MSRA: variants seen among roughly 807,000 people sequenced by gnomAD.
The protein encoded by MSRA is mitochondrial peptide methionine sulfoxide reductase.
Under a neutral mutation model 31.3 loss-of-function variants are expected in MSRA, and 54 were observed. That is an observed-to-expected ratio of 1.73 (90% confidence interval 1.39 to 2.17). MSRA has a LOEUF of 2.17. MSRA is among the 30% of genes most tolerant of loss of function. The probability of loss-of-function intolerance (pLI) is 0.00; values close to 1 mark genes in which losing one functional copy is unlikely to be tolerated. For synonymous variants in MSRA, 169 were observed against 116.5 expected, an observed-to-expected ratio of 1.45 and a Z score of -2.90; for missense variants, 507 against 300.9, an observed-to-expected ratio of 1.69 and a Z score of -5.07.
chr8:10,192,850 T>A (rs1211808725), intron 1 of MSRA, among the ~76,000 whole-genome samples: 1 of 137,706 alleles, frequency 7.3e-6, no homozygotes, highest in Non-Finnish European at 1.5e-5. Context: ...TTTACCACCG[T>A]TTATAACAGC....
chr8:10,424,463 C>G (rs879140834), intron 5 of MSRA, among the ~76,000 whole-genome samples: 2 of 139,670 alleles, frequency 1.4e-5, no homozygotes, highest in Non-Finnish European at 3.1e-5. Flanking sequence ...GGAGAAGGCC[C>G]GGGGTGGAGT....
chr8:10,261,778 G>C (rs1215985396), intron 3 of MSRA, among the ~76,000 whole-genome samples: 1 of 152,124 alleles, frequency 6.6e-6, no homozygotes, highest in African/African-American at 2.4e-5. Context: ...CTGTAGGTTT[G>C]ACAATTGTAT....
intron 4 of MSRA, among the ~76,000 whole-genome samples, chr8:10,310,331 G>A (rs1801367215): frequency 2.6e-5 from 4 of 152,166 alleles, no homozygotes; most frequent in African/African-American, 9.7e-5. Flanking sequence ...AGAGAAAAAT[G>A]AAACAAAAGA....
intron 1 of MSRA, among the ~76,000 whole-genome samples, chr8:10,159,956 G>A (rs536754590): frequency 6.6e-6 from 1 of 152,202 alleles, no homozygotes; most frequent in East Asian, 1.9e-4. Flanking sequence ...AGTTTCCTTT[G>A]GTTTTCCCCA....
intron 5 of MSRA, among the ~76,000 whole-genome samples, chr8:10,344,976 C>T (rs936567889): frequency 6.6e-5 from 10 of 152,130 alleles, no homozygotes; most frequent in African/African-American, 2.4e-4. Context: ...ATTCATGGGA[C>T]AGCATTCGGT....
intron 1 of MSRA, among the ~76,000 whole-genome samples, chr8:10,153,612 G>C (rs1365437943): frequency 6.6e-6 from 1 of 152,104 alleles, no homozygotes; most frequent in African/African-American, 2.4e-5. Context: ...TAGGGATATT[G>C]ACATTGGTCA....
At chr8:10,158,762 T>G (rs1300876851) in intron 1 of MSRA, among the ~76,000 whole-genome samples, 2 of 152,240 alleles carry the variant, frequency 1.3e-5, no homozygotes, top group African/African-American at 4.8e-5. Context: ...ATGGAATTGC[T>G]GGGTCATATG....
chr8:10,416,756 C>T (rs187046643), intron 5 of MSRA, among the ~76,000 whole-genome samples: 24 of 152,322 alleles, frequency 1.6e-4, no homozygotes, highest in Admixed American at 1.4e-3. Context: ...TGGGGAAGGG[C>T]CCAGACTTTG....
chr8:10,257,653 T>C (rs1798253987), intron 3 of MSRA, among the ~76,000 whole-genome samples: 1 of 152,086 alleles, frequency 6.6e-6, no homozygotes, highest in Non-Finnish European at 1.5e-5. Context: ...GGTGATTCAT[T>C]TACTTTCAAT....
intron 3 of MSRA, among the ~76,000 whole-genome samples, chr8:10,282,445 TTC>T (rs1226720511): frequency 6.6e-6 from 1 of 152,228 alleles, no homozygotes; most frequent in African/African-American, 2.4e-5. Flanking sequence ...TCCAGATGTT[TTC>T]TGTTATCTGC....
intron 1 of MSRA, among the ~76,000 whole-genome samples, chr8:10,172,894 G>A (rs780429932): frequency 4.6e-5 from 7 of 152,210 alleles, no homozygotes; most frequent in Admixed American, 3.9e-4. Flanking sequence ...TCTTAAAGAG[G>A]TTATGTGTGA....
At chr8:10,308,849 C>T (rs1165090191) in intron 4 of MSRA, among the ~76,000 whole-genome samples, 2 of 152,238 alleles carry the variant, frequency 1.3e-5, no homozygotes, top group Non-Finnish European at 2.9e-5. Flanking sequence ...CTCATTGCTT[C>T]TCTTCTGCTA....
chr8:10,376,139 T>C (rs1805744955), intron 5 of MSRA, among the ~76,000 whole-genome samples: 1 of 152,196 alleles, frequency 6.6e-6, no homozygotes, highest in African/African-American at 2.4e-5. Flanking sequence ...CAATCTGAGC[T>C]GCTCATGGTT....
At chr8:10,382,274 C>T (rs951866681) in intron 5 of MSRA, among the ~76,000 whole-genome samples, 1 of 152,184 alleles carries the variant, frequency 6.6e-6, no homozygotes, top group East Asian at 1.9e-4. Context: ...AGCCTTCAGG[C>T]TTGAAGATGG....
At chr8:10,318,642 A>T (rs758384960) in intron 4 of MSRA, among the ~76,000 whole-genome samples, 9 of 152,318 alleles carry the variant, frequency 5.9e-5, no homozygotes, top group East Asian at 1.9e-4. Flanking sequence ...TCAATTTATG[A>T]CAGTCAAATA....
At chr8:10,071,675 G>T (rs1489433917) in intron 1 of MSRA, among the ~76,000 whole-genome samples, 1 of 152,012 alleles carries the variant, frequency 6.6e-6, no homozygotes, top group Non-Finnish European at 1.5e-5. Flanking sequence ...TCCATTTTGA[G>T]ATAATTTTTG....
intron 5 of MSRA, among the ~76,000 whole-genome samples, chr8:10,353,435 T>C (rs564359437): frequency 6.6e-6 from 1 of 152,246 alleles, no homozygotes; most frequent in African/African-American, 2.4e-5. Flanking sequence ...GGGAGTCTCC[T>C]TGGAGGTTCC....
chr8:10,403,625 C>T (rs916775053), intron 5 of MSRA, among the ~76,000 whole-genome samples: 7 of 152,234 alleles, frequency 4.6e-5, no homozygotes, highest in Non-Finnish European at 8.8e-5. Context: ...CCAGCTTGTG[C>T]CTCGTGTGTG....
At chr8:10,266,907 CAAT>C (rs1015237673) in intron 3 of MSRA, among the ~76,000 whole-genome samples, 15 of 152,136 alleles carry the variant, frequency 9.9e-5, no homozygotes, top group Non-Finnish European at 2.9e-5. Context: ...GTACATCACT[CAAT>C]AAACCCCTAA....
Sources: allele counts gnomAD v4.1 joint callset (sites outside exome capture counted in the v4.1 genomes callset), GRCh38; gene constraint gnomAD v4.1.1; transcripts MANE v1.5; gene names NCBI Gene and HGNC (gene_info 2026-07-23, HGNC 2026-07-21).